The following RPS24 variants were observed in gnomAD, a reference collection of about 807,000 sequenced individuals.
RPS24 encodes small ribosomal subunit protein eS24.
For synonymous variants in RPS24, 72 were observed against 55.6 expected, an observed-to-expected ratio of 1.30 and a Z score of -1.31; for missense variants, 100 against 162.5, an observed-to-expected ratio of 0.62 and a Z score of 2.09.
downstream of RPS24, among the ~76,000 whole-genome samples, chr10:78,042,559 C>G (rs941551022): frequency 6.6e-6 from 1 of 152,198 alleles, no homozygotes; most frequent in African/African-American, 2.4e-5. Flanking sequence ...CTCACAGTAA[C>G]CAGGCTACCC....
chr10:78,040,882 T>A (rs1020349031), downstream of RPS24: 2 of 585,056 alleles, frequency 3.4e-6, no homozygotes, highest in African/African-American at 3.7e-5. Flanking sequence ...GAGTCAAGCT[T>A]GTAAATGCTG....
At chr10:78,047,113 G>A (rs1848051701) in intron 4 of RPS24, among the ~76,000 whole-genome samples, 1 of 151,226 alleles carries the variant, frequency 6.6e-6, no homozygotes, top group Non-Finnish European at 1.5e-5. Context: ...CTGCCACCAC[G>A]CCTGGCTAAT....
At chr10:78,044,068 T>A (rs151205188), downstream of RPS24, among the ~76,000 whole-genome samples, 1 of 152,098 alleles carries the variant, frequency 6.6e-6, no homozygotes, top group Non-Finnish European at 1.5e-5. Flanking sequence ...ATTATTAATA[T>A]CTTACTCCCT....
intron 4 of RPS24, among the ~76,000 whole-genome samples, chr10:78,048,710 A>G (rs1159807328): frequency 6.6e-6 from 1 of 151,958 alleles, no homozygotes; most frequent in Non-Finnish European, 1.5e-5. Flanking sequence ...CCCCGTCTCT[A>G]CTAAAAACAC....
At chr10:78,054,198 A>C (rs963087257) in intron 4 of RPS24, among the ~76,000 whole-genome samples, 2 of 152,010 alleles carry the variant, frequency 1.3e-5, no homozygotes, top group African/African-American at 4.8e-5. Flanking sequence ...AGCCGCTGGC[A>C]CTGGCCATGA....
downstream of RPS24, chr10:78,040,721 T>C (rs1052471422): frequency 9.4e-6 from 15 of 1,591,090 alleles, no homozygotes; most frequent in Non-Finnish European, 1.3e-5. Context: ...TTGAAATGTA[T>C]TTGCAGTTTC....
At chr10:78,048,136 T>TCC (rs1348923808) in intron 4 of RPS24, among the ~76,000 whole-genome samples, 34 of 152,286 alleles carry the variant, frequency 2.2e-4, no homozygotes, top group African/African-American at 7.9e-4. Context: ...CCCTGCTACA[T>TCC]GACATCCATC....
downstream of RPS24, among the ~76,000 whole-genome samples, chr10:78,045,020 C>T (rs1292794055): frequency 1.3e-5 from 2 of 152,044 alleles, no homozygotes; most frequent in African/African-American, 4.8e-5. Flanking sequence ...TGGAGTTTCA[C>T]TCTTGTTGCC....
chr10:78,051,362 C>T lies in RPS24; in HGVS notation c.391-3169C>T, dbSNP rs76644294. Among the ~76,000 whole-genome samples, 18 of 152,250 alleles carry T rather than the reference C, an allele frequency of 1.2e-4. No homozygotes were observed. In the East Asian group the frequency reaches 2.9e-3, roughly 24 times the overall value. On this transcript the variant is annotated intron_variant, in intron 4 of 4. Coordinates refer to the RPS24 transcript ENST00000440692. ...TATAGTGTATATAGGTTTTTATGACCGGATTCTTTCACTCAGCCTAATGTT... is the reference window on the plus strand; with the variant it reads ...TATAGTGTATATAGGTTTTTATGACTGGATTCTTTCACTCAGCCTAATGTT...
At chr10:78,045,240 G>A (rs1156799312), downstream of RPS24, among the ~76,000 whole-genome samples, 1 of 152,004 alleles carries the variant, frequency 6.6e-6, no homozygotes, top group Non-Finnish European at 1.5e-5. Flanking sequence ...TGCCCACCCC[G>A]CCTCCCAAAG....
exon 5 of RPS24, chr10:78,054,898 C>G: frequency 1.3e-6 from 2 of 1,540,268 alleles, no homozygotes; most frequent in Non-Finnish European, 1.8e-6. Flanking sequence ...GCAACCTTGA[C>G]TCTGTCACCC....
chr10:78,053,461 C>T (rs1848119845), intron 4 of RPS24, among the ~76,000 whole-genome samples: 1 of 152,202 alleles, frequency 6.6e-6, no homozygotes, highest in African/African-American at 2.4e-5. Context: ...ATGTCTCACC[C>T]ATCCTGAGGG....
chr10:78,045,711 A>G (rs913927779), downstream of RPS24, among the ~76,000 whole-genome samples: 1 of 151,618 alleles, frequency 6.6e-6, no homozygotes, highest in African/African-American at 2.4e-5. Flanking sequence ...GCTTGTTAAA[A>G]ATACAAATGC....
At chr10:78,036,124 G>A in intron 3 of RPS24, 3 of 297,648 alleles carry the variant, frequency 1.0e-5, no homozygotes, top group Non-Finnish European at 6.5e-6. Context: ...ACACTGCAGA[G>A]TGAACTACAG....
At chr10:78,037,706 G>A (rs1299230486) in intron 4 of RPS24, 7 of 337,616 alleles carry the variant, frequency 2.1e-5, no homozygotes, top group Admixed American at 1.3e-4. Context: ...AATGTGGCCC[G>A]TGTTTTCCTG....
chr10:78,046,346 CTTTT>C (rs57003851), intron 4 of RPS24, among the ~76,000 whole-genome samples: 9 of 126,140 alleles, frequency 7.1e-5, no homozygotes, highest in South Asian at 5.1e-4. Context: ...TCTCATTTAC[CTTTT>C]TTTTTTTTTT....
intron 1 of RPS24, chr10:78,034,120 A>C: frequency 2.2e-6 from 1 of 461,778 alleles, no homozygotes; most frequent in Non-Finnish European, 4.1e-6. Context: ...TTCGGGCTCC[A>C]GCGCCTGGGC....
In RPS24 at chr10:78,048,557, C is replaced by T. The variant is rs189153380; in HGVS notation, c.391-5974C>T. Among the ~76,000 whole-genome samples, 16 of 152,130 alleles carry T rather than the reference C, an allele frequency of 1.1e-4. No homozygotes were observed. The East Asian group carries it at 2.9e-3, about 28-fold the overall frequency. On this transcript the variant is annotated intron_variant, in intron 4 of 4. Transcript: ENST00000440692. ...CCAGCCCTCTGCTGGCTCCCACCGT[C>T]GATGATGATATTCAGAGAGTCTGGT... is the stretch of plus-strand genomic sequence containing the variant.
intron 2 of RPS24, 25 bp downstream of exon 2, chr10:78,035,442 G>C: frequency 6.2e-7 from 1 of 1,613,498 alleles, no homozygotes; most frequent in Non-Finnish European, 8.5e-7. Flanking sequence ...ATCAATCTTT[G>C]CTTAATTGTC....
Sources: allele counts gnomAD v4.1 joint callset (sites outside exome capture counted in the v4.1 genomes callset), GRCh38; gene constraint gnomAD v4.1.1; transcripts MANE v1.5; gene names NCBI Gene and HGNC (gene_info 2026-07-23, HGNC 2026-07-21).